PCDHGB4: variants seen among roughly 807,000 people sequenced by gnomAD.
PCDHGB4 encodes the protein protocadherin gamma-B4.
Under a neutral mutation model 60.5 loss-of-function variants are expected in PCDHGB4, and 38 were observed. The ratio of observed to expected loss-of-function variants is 0.63; its 90% CI spans 0.48 to 0.82. PCDHGB4 has a LOEUF of 0.82. Ranked by LOEUF, PCDHGB4 falls within the 40% of genes least tolerant of loss-of-function variation. The pLI, the probability that PCDHGB4 is intolerant of heterozygous loss-of-function variation, is 0.00. For synonymous variants in PCDHGB4, 456 were observed against 509.7 expected (o/e 0.89, Z 1.42); for missense variants, 1,109 against 1,209.6 (o/e 0.92, Z 1.23).
chr5:141,481,348 T>C (rs2099536105), intron 1 of PCDHGB4, among the ~76,000 whole-genome samples: 1 of 152,250 alleles, frequency 6.6e-6, no homozygotes, highest in Non-Finnish European at 1.5e-5. Flanking sequence ...TATTTAAACA[T>C]CTACAGCTGT....
rs199973289 is a variant in PCDHGB4, at chr5:141,393,414, G to A, written c.2397+3133G>A. On this transcript the variant is annotated intron_variant, in intron 1 of 3. Transcript: ENST00000519479. ...AGAGCTGGTGCTGGAGCGCGCCCTG[G>A]ACAGGGAGGAAGAGGCTGCTCACCA... 7 of 1,614,038 alleles carry A rather than the reference G, an allele frequency of 4.3e-6. No individual in the cohort carries two copies. In the East Asian group the frequency reaches 1.3e-4, roughly 31 times the overall value.
intron 1 of PCDHGB4, chr5:141,427,862 C>T (rs748112227): frequency 2.6e-6 from 4 of 1,556,778 alleles, no homozygotes; most frequent in East Asian, 4.5e-5. Context: ...TGTGCGCCTT[C>T]GAGCTCACGA....
chr5:141,405,467 T>G lies in PCDHGB4; in HGVS notation c.2397+15186T>G. On this transcript the variant is annotated intron_variant, in intron 1 of 3. Transcript: ENST00000519479. The stretch of plus-strand genomic sequence containing the variant: ...CAGAGTCTTACTCTGTTACCCAGGC[T>G]GGAATGCAGTGGTGTGATCTCGGCT... 3.6e-6 allele frequency: 4 copies of G among 1,103,716 alleles called. No individual in the cohort carries two copies. The South Asian group carries it at 6.1e-5, about 17-fold the overall frequency. 68.4% of individuals were successfully genotyped at this position (1,103,716 alleles called of 1,614,324 possible). A position where few individuals can be genotyped will look rare whatever the true frequency, so the allele number is the denominator to read the frequency against.
intron 2 of PCDHGB4, among the ~76,000 whole-genome samples, chr5:141,502,067 CCTTCACCTGGGG>C (rs1307097799): frequency 6.6e-6 from 1 of 152,172 alleles, no homozygotes; most frequent in Non-Finnish European, 1.5e-5. Flanking sequence ...CCATTAGCCC[CCTTCACCTGGGG>C]CTGAGAACAC....
chr5:141,404,906 C>G, intron 1 of PCDHGB4: 8 of 1,613,864 alleles, frequency 5.0e-6, no homozygotes, highest in Non-Finnish European at 5.1e-6. Context: ...CCATGGCCAG[C>G]CCCCTCTCTC....
chr5:141,390,601 C>T, intron 1 of PCDHGB4: 1 of 317,490 alleles, frequency 3.1e-6, no homozygotes. Context: ...TTTTCCTATA[C>T]ATTTTCCTTC....
chr5:141,423,253 C>G (rs750278899), intron 1 of PCDHGB4: 1 of 1,613,916 alleles, frequency 6.2e-7, no homozygotes, highest in Admixed American at 1.7e-5. Flanking sequence ...CCTGGCGGAC[C>G]TCGGCAGCCT....
Position 141,485,168 on chromosome 5 carries a change from G to A in PCDHGB4, c.2398-9639G>A. The A allele has an allele frequency of 6.2e-7, 1 of 1,608,668 alleles. No individual in the cohort carries two copies. Among genetic ancestry groups the A allele is most frequent in the Non-Finnish European group, 8.5e-7 (1 of 1,175,736 alleles). ...GGAGCAAGTAGAGAATTAGCGGGCG[G>A]CAGCAATGCTCCGCAAGGTGAGAAG... is the stretch of plus-strand genomic sequence containing the variant. On this transcript the variant is annotated intron_variant, in intron 1 of 3. Coordinates refer to ENST00000519479, the MANE Select transcript of PCDHGB4 (RefSeq NM_003736.4). This position sits in a 1 kb window ranked among gnomAD's most constrained non-coding sequence, Gnocchi z 5.7.
rs1299573831 is a variant in PCDHGB4 at position 141,500,662 on chromosome 5, T to A, written c.2457-4731T>A. 5.3e-5 allele frequency among the ~76,000 whole-genome samples: 8 copies of A among 152,352 alleles called. No homozygotes were observed. The East Asian group carries it at 1.5e-3, about 29-fold the overall frequency. ...TTTTTAAAAATAGCAACTGAGGCCA[T>A]ACTGTCCAACAGAATTATAGCTTTT... On this transcript the variant is annotated intron_variant, in intron 2 of 3. Coordinates refer to ENST00000519479, the MANE Select transcript of PCDHGB4 (RefSeq NM_003736.4).
rs554661873 is a variant in PCDHGB4, at chr5:141,487,723, T to C, written c.2398-7084T>C. ...GCCTCTCAGTAAGTGCCCATAGTGATGTCACCATTTTTGTAAGAGGTAACT... is the reference window on the plus strand; with the variant it reads ...GCCTCTCAGTAAGTGCCCATAGTGACGTCACCATTTTTGTAAGAGGTAACT... On this transcript the variant is annotated intron_variant, in intron 1 of 3. Transcript: ENST00000519479. The surrounding 1 kb of genome is among the most constrained non-coding windows in gnomAD (Gnocchi z 5.0). The C allele has an allele frequency of 2.6e-5, 41 of 1,574,932 alleles. No homozygotes were observed. Among genetic ancestry groups the C allele is most frequent in the Non-Finnish European group, 5.2e-6 (6 of 1,158,382 alleles).
At chr5:141,438,538 A>G (rs950527053) in intron 1 of PCDHGB4, among the ~76,000 whole-genome samples, 2 of 145,166 alleles carry the variant, frequency 1.4e-5, no homozygotes, top group African/African-American at 2.6e-5. Context: ...CTTTTCCTCT[A>G]TATCTAAGCC....
intron 3 of PCDHGB4, among the ~76,000 whole-genome samples, chr5:141,510,329 A>G (rs1433056614): frequency 6.7e-6 from 1 of 150,230 alleles, no homozygotes; most frequent in South Asian, 2.1e-4. Context: ...AGCACTCTTC[A>G]CCCCCACCCC....
Position 141,393,255 on chromosome 5 carries a change from C to G in PCDHGB4, c.2397+2974C>G, listed in dbSNP as rs201229959. 2.3e-4 allele frequency: 367 copies of G among 1,613,786 alleles called. No individual in the cohort carries two copies. Among genetic ancestry groups the G allele is most frequent in the Non-Finnish European group, 2.9e-4 (338 of 1,179,916 alleles). On this transcript the variant is annotated intron_variant, in intron 1 of 3. Coordinates refer to ENST00000519479, the MANE Select transcript of PCDHGB4 (RefSeq NM_003736.4). ...AGTAAAAATTAACGAAATCGCGGTT[C>G]CTGGAGCACGTTATCCACTCCCAGA...
intron 3 of PCDHGB4, among the ~76,000 whole-genome samples, chr5:141,506,190 C>T (rs1313145580): frequency 6.6e-6 from 1 of 152,180 alleles, no homozygotes; most frequent in Non-Finnish European, 1.5e-5. Flanking sequence ...GTGGCTCACG[C>T]CTGTAATCCC....
chr5:141,405,390 T>C (rs1561700240), intron 1 of PCDHGB4: 1 of 1,600,118 alleles, frequency 6.2e-7, no homozygotes, highest in South Asian at 1.1e-5. Context: ...AGTTCATTTT[T>C]TTTCTTTCTT....
Position 141,431,142 on chromosome 5 carries a change from A to G in PCDHGB4, c.2397+40861A>G. ...GAAGTAGAAGTAAGGGACATTAACG[A>G]CAATGCGCCTTACTTTCGTGAAAGT... On this transcript the variant is annotated intron_variant, in intron 1 of 3. Coordinates refer to ENST00000519479, the MANE Select transcript of PCDHGB4 (RefSeq NM_003736.4). This position sits in a 1 kb window ranked among gnomAD's most constrained non-coding sequence, Gnocchi z 4.8. 1 of 1,614,240 alleles carries G rather than the reference A, an allele frequency of 6.2e-7. No individual in the cohort carries two copies. Among genetic ancestry groups the G allele is most frequent in the Non-Finnish European group, 8.5e-7 (1 of 1,180,024 alleles).
rs372714152 is a variant in PCDHGB4, at chr5:141,389,657, G to C, written c.1773G>C (p.Ala591=). ...EPGYLVTKVV[A]VDADSGHNAW... Reference sequence around the variant, plus strand: ...GCTACTTGGTGACCAAGGTAGTGGCGGTGGACGCAGACTCAGGACACAACG... The same window carrying C: ...GCTACTTGGTGACCAAGGTAGTGGCCGTGGACGCAGACTCAGGACACAACG... Residue 591 remains alanine, a synonymous_variant, in exon 1 of 4, where the codon GCG becomes GCC. Coordinates refer to ENST00000519479, the MANE Select transcript of PCDHGB4 (RefSeq NM_003736.4). 8.1e-6 allele frequency: 13 copies of C among 1,612,432 alleles called. No individual in the cohort carries two copies. Among genetic ancestry groups the C allele is most frequent in the African/African-American group, 2.7e-5 (2 of 74,922 alleles).
Position 141,486,785 on chromosome 5 carries a change from C to G in PCDHGB4, c.2398-8022C>G, listed in dbSNP as rs763174232. The G allele has an allele frequency of 2.8e-5, 45 of 1,614,102 alleles. No homozygotes were observed. The highest frequency in any genetic ancestry group is 3.6e-5 in the Non-Finnish European group (42 of 1,180,050). On this transcript the variant is annotated intron_variant, in intron 1 of 3. Coordinates refer to ENST00000519479, the MANE Select transcript of PCDHGB4 (RefSeq NM_003736.4). The surrounding 1 kb of genome is among the most constrained non-coding windows in gnomAD (Gnocchi z 5.0). ...GACACTGCAGTTTGAGGTGCAGGCC[C>G]GGGATCGGGGCAACCCACCCCTTAG... is the stretch of plus-strand genomic sequence containing the variant.
chr5:141,423,237 C>T (rs761825236), intron 1 of PCDHGB4: 74 of 1,613,798 alleles, frequency 4.6e-5, no homozygotes, highest in Middle Eastern at 3.3e-4. Flanking sequence ...ACAGCATCCC[C>T]GAAGTCCTGG....
Sources: allele counts gnomAD v4.1 joint callset (sites outside exome capture counted in the v4.1 genomes callset), GRCh38; gene constraint gnomAD v4.1.1; non-coding constraint Gnocchi (gnomAD v3.1); transcripts MANE v1.5; gene names NCBI Gene and HGNC (gene_info 2026-07-23, HGNC 2026-07-21).